Variants in F13A1 observed in about 807,000 individuals in gnomAD.
The protein encoded by F13A1 is coagulation factor XIII A chain.
In F13A1, 47 loss-of-function variants were observed where a neutral mutation model predicts 80.1. The observed-to-expected ratio is 0.59, with a 90% CI of 0.46 to 0.75. The LOEUF is 0.75. Among genes scored for constraint, F13A1 ranks in the 30% least tolerant of loss-of-function variants. The pLI, the probability that F13A1 is intolerant of heterozygous loss-of-function variation, is 0.00. For synonymous variants in F13A1, 349 were observed against 344.9 expected (o/e 1.01, Z -0.13); for missense variants, 817 against 930.4 (o/e 0.88, Z 1.59).
At position 6,235,334 on chromosome 6, in the gene F13A1, A is replaced by T. The variant is rs114499275; in HGVS notation, c.799-10474T>A. On this transcript the variant is annotated intron_variant, in intron 6 of 14. Coordinates refer to ENST00000264870, the MANE Select transcript of F13A1 (RefSeq NM_000129.4). ...CTCTTTGAAAGGCCCTGTGAAGAGA[A>T]TGAAAAAATAAAACTAGAGTGGAAG... Among the ~76,000 whole-genome samples the T allele has an allele frequency of 3.6e-3, 543 of 152,178 alleles. 5 individuals carry two copies. The highest frequency in any genetic ancestry group is 0.012 in the African/African-American group (505 of 41,560).
intron 10 of F13A1, among the ~76,000 whole-genome samples, chr6:6,192,705 A>T (rs546961681): frequency 1.9e-3 from 289 of 152,314 alleles, no homozygotes; most frequent in Non-Finnish European, 3.5e-3. Flanking sequence ...AGGAGGGCTT[A>T]GCTTCTTGAG....
chr6:6,242,323 G>C (rs1004081929), intron 6 of F13A1, among the ~76,000 whole-genome samples: 1 of 152,088 alleles, frequency 6.6e-6, no homozygotes, highest in Non-Finnish European at 1.5e-5. Context: ...AACATCGATT[G>C]GTTAAAAAAG....
At chr6:6,295,960 A>C (rs1758319616) in intron 3 of F13A1, among the ~76,000 whole-genome samples, 2 of 141,878 alleles carry the variant, frequency 1.4e-5, no homozygotes, top group Admixed American at 1.3e-4. Flanking sequence ...AGCTTTCTAC[A>C]TATGGCTAGC....
At chr6:6,288,278 G>A (rs1758165883) in intron 3 of F13A1, among the ~76,000 whole-genome samples, 1 of 152,174 alleles carries the variant, frequency 6.6e-6, no homozygotes, top group Admixed American at 6.5e-5. Flanking sequence ...TATTCTTTCA[G>A]TCTAACTGAG....
chr6:6,147,252 G>T (rs746973838), intron 14 of F13A1, among the ~76,000 whole-genome samples: 16 of 152,178 alleles, frequency 1.1e-4, no homozygotes, highest in South Asian at 2.1e-4. Flanking sequence ...CACCACCAAA[G>T]AACTTATTCA....
At chr6:6,193,661 T>G (rs950344367) in intron 10 of F13A1, among the ~76,000 whole-genome samples, 1 of 152,230 alleles carries the variant, frequency 6.6e-6, no homozygotes, top group Non-Finnish European at 1.5e-5. Context: ...CCCCGATCTA[T>G]ATTTAATAAT....
chr6:6,150,632 C>G (rs1242823583), intron 14 of F13A1, among the ~76,000 whole-genome samples: 3 of 152,146 alleles, frequency 2.0e-5, no homozygotes, highest in Non-Finnish European at 1.5e-5. Context: ...TAAAGGGTGT[C>G]GGGAAAATTC....
chr6:6,207,781 T>C (rs1761521593), intron 8 of F13A1, among the ~76,000 whole-genome samples: 2 of 152,348 alleles, frequency 1.3e-5, no homozygotes, highest in East Asian at 1.9e-4. Context: ...CCAATTGTTA[T>C]ATGACCACTA....
At chr6:6,320,301 T>A (rs1263197177) in intron 1 of F13A1, among the ~76,000 whole-genome samples, 1 of 152,142 alleles carries the variant, frequency 6.6e-6, no homozygotes, top group Non-Finnish European at 1.5e-5. Context: ...AGGGGGCTCG[T>A]CCCTTGGGGA....
At chr6:6,210,584 G>A (rs115210804) in intron 8 of F13A1, among the ~76,000 whole-genome samples, 1,968 of 150,754 alleles carry the variant, frequency 0.013, 56 homozygotes, top group African/African-American at 0.046. Flanking sequence ...TAGTAGAGAC[G>A]GGATTTTTAC....
chr6:6,180,466 C>T (rs577551654), intron 11 of F13A1, among the ~76,000 whole-genome samples: 30 of 152,200 alleles, frequency 2.0e-4, no homozygotes, highest in Non-Finnish European at 4.0e-4. Context: ...AGCCAGCTGT[C>T]GTGTGGATGT....
chr6:6,200,738 G>T (rs1229265165), intron 8 of F13A1, among the ~76,000 whole-genome samples: 1 of 152,140 alleles, frequency 6.6e-6, no homozygotes, highest in Admixed American at 6.5e-5. Context: ...AAATACCAAG[G>T]TTGCAAGAGG....
At chr6:6,306,405 T>G (rs148593735) in intron 2 of F13A1, among the ~76,000 whole-genome samples, 92 of 152,384 alleles carry the variant, frequency 6.0e-4, no homozygotes, top group African/African-American at 1.3e-3. Flanking sequence ...AATATTCATT[T>G]CATAGCCTAA....
chr6:6,178,054 G>A (rs1167668916), intron 11 of F13A1, among the ~76,000 whole-genome samples: 1 of 115,856 alleles, frequency 8.6e-6, no homozygotes, highest in Non-Finnish European at 1.8e-5. Context: ...AGGGGGGGGG[G>A]GGTGGGGCTT....
At chr6:6,161,337 TACAGAGGAGAAAGA>T (rs1760569074) in intron 13 of F13A1, among the ~76,000 whole-genome samples, 1 of 152,098 alleles carries the variant, frequency 6.6e-6, no homozygotes, top group South Asian at 2.1e-4. Context: ...TTGATGGGAC[TACAGAGGAGAAAGA>T]ACATTTACCA....
intron 6 of F13A1, among the ~76,000 whole-genome samples, chr6:6,228,319 T>G (rs1199062584): frequency 6.6e-6 from 1 of 152,138 alleles, no homozygotes; most frequent in Non-Finnish European, 1.5e-5. Flanking sequence ...CAACAAAACA[T>G]GAGGACTATG....
intron 6 of F13A1, among the ~76,000 whole-genome samples, chr6:6,245,173 C>A (rs558511715): frequency 1.7e-4 from 26 of 152,278 alleles, no homozygotes; most frequent in African/African-American, 5.8e-4. Context: ...CAAACAATTA[C>A]CCAAGGTCAC....
rs772798579 is a variant in F13A1 at position 6,174,870 on chromosome 6, G to A, written c.1460-3C>T. ...GGCCAATCTCTCTTCTTCTTGACCTGGGGGAGATCCAGAGATAATGACAGG... is the reference window on the plus strand; with the variant it reads ...GGCCAATCTCTCTTCTTCTTGACCTAGGGGAGATCCAGAGATAATGACAGG... On this transcript the variant is annotated splice_region_variant and splice_polypyrimidine_tract_variant and intron_variant, in intron 11 of 14. Coordinates refer to ENST00000264870, the MANE Select transcript of F13A1 (RefSeq NM_000129.4). 1 of 1,614,078 alleles carries A rather than the reference G, an allele frequency of 6.2e-7. No homozygotes were observed. Among genetic ancestry groups the A allele is most frequent in the East Asian group, 2.2e-5 (1 of 44,876 alleles).
At chr6:6,246,945 C>A (rs17141883) in intron 6 of F13A1, among the ~76,000 whole-genome samples, 1 of 152,006 alleles carries the variant, frequency 6.6e-6, no homozygotes, top group East Asian at 1.9e-4. Context: ...ATCTTGTGGG[C>A]GAAACAGTAA....
Sources: allele counts gnomAD v4.1 joint callset (sites outside exome capture counted in the v4.1 genomes callset), GRCh38; gene constraint gnomAD v4.1.1; transcripts MANE v1.5; gene names NCBI Gene and HGNC (gene_info 2026-07-23, HGNC 2026-07-21).